The following PRKN variants were observed in gnomAD, a reference collection of about 807,000 sequenced individuals.
PRKN encodes the protein E3 ubiquitin-protein ligase parkin.
In PRKN, 56 loss-of-function variants were observed where a neutral mutation model predicts 59.5. That is an observed-to-expected ratio of 0.94 (90% CI 0.76 to 1.18). The LOEUF (loss-of-function observed/expected upper bound fraction) is 1.18, where lower values mean the gene tolerates loss of function less well. Ranked by LOEUF, PRKN falls within the 50% of genes most tolerant of loss-of-function variation. PRKN has a pLI of 0.00. For synonymous variants in PRKN, 250 were observed against 222.1 expected (o/e 1.13, Z -1.12); for missense variants, 657 against 596.4 (o/e 1.10, Z -1.06).
chr6:162,094,492 A>G (rs1583023286), intron 4 of PRKN, among the ~76,000 whole-genome samples: 1 of 152,230 alleles, frequency 6.6e-6, no homozygotes, highest in East Asian at 1.9e-4. Flanking sequence ...TTAGGAAATA[A>G]ACAAATAAAG....
chr6:162,328,113 C>A (rs1405499019), intron 2 of PRKN, among the ~76,000 whole-genome samples: 6 of 54,040 alleles, frequency 1.1e-4, no homozygotes, highest in Non-Finnish European at 2.0e-4. Context: ...GGAATCCCAG[C>A]ATTTTGAGAG....
rs533346439 is a variant in PRKN at position 161,716,039 on chromosome 6, C to T, written c.871+69733G>A. The T allele has an allele frequency of 9.0e-6, 11 of 1,217,290 alleles. No homozygotes were observed. In the South Asian group the frequency reaches 9.5e-5, roughly 11 times the overall value. The allele number at this position is 1,217,290 out of a possible 1,614,324, so 75.4% of individuals were successfully genotyped here. A position where few individuals can be genotyped will look rare whatever the true frequency, so the allele number is the denominator to read the frequency against. ...TTCTGGGGAATTGGATCTGGTTTAG[C>T]GACACAGCCACCATGCTGTGCTGGG... On this transcript the variant is annotated intron_variant, in intron 7 of 11. Coordinates refer to ENST00000366898, the MANE Select transcript of PRKN (RefSeq NM_004562.3).
At chr6:162,566,997 T>C (rs970470339) in intron 1 of PRKN, among the ~76,000 whole-genome samples, 7 of 152,170 alleles carry the variant, frequency 4.6e-5, no homozygotes, top group Admixed American at 6.5e-5. Flanking sequence ...ATCAACAGAA[T>C]GAAAGATAAA....
intron 7 of PRKN, among the ~76,000 whole-genome samples, chr6:161,779,063 C>T (rs1190143529): frequency 6.6e-6 from 1 of 152,098 alleles, no homozygotes; most frequent in Non-Finnish European, 1.5e-5. Context: ...CCTCAGCCTC[C>T]CGAGTAGCTG....
chr6:161,580,390 C>G (rs1471900521), intron 7 of PRKN, among the ~76,000 whole-genome samples: 1 of 152,094 alleles, frequency 6.6e-6, no homozygotes, highest in Non-Finnish European at 1.5e-5. Context: ...GCACCATGGC[C>G]CTGGTATAAG....
chr6:162,127,642 T>C (rs1451833388), intron 4 of PRKN, among the ~76,000 whole-genome samples: 1 of 152,208 alleles, frequency 6.6e-6, no homozygotes, highest in Non-Finnish European at 1.5e-5. Context: ...CGTTGAGTCA[T>C]AGGGAAAATC....
intron 1 of PRKN, among the ~76,000 whole-genome samples, chr6:162,531,452 G>A (rs760735719): frequency 1.2e-4 from 19 of 152,144 alleles, no homozygotes; most frequent in Admixed American, 6.5e-5. Flanking sequence ...GGAGCAGAGT[G>A]TTTAAGGATA....
At chr6:161,528,582 G>T (rs915406080) in intron 9 of PRKN, among the ~76,000 whole-genome samples, 2 of 152,048 alleles carry the variant, frequency 1.3e-5, no homozygotes, top group Non-Finnish European at 2.9e-5. Context: ...GTACAAATAG[G>T]GCCCCCTCAT....
intron 1 of PRKN, among the ~76,000 whole-genome samples, chr6:162,568,136 T>C (rs966482095): frequency 1.3e-5 from 2 of 152,240 alleles, no homozygotes; most frequent in East Asian, 3.9e-4. Flanking sequence ...AAAAATTAAA[T>C]AGAAAACCTC....
intron 5 of PRKN, among the ~76,000 whole-genome samples, chr6:161,976,654 G>A (rs1329000894): frequency 2.0e-5 from 3 of 152,154 alleles, no homozygotes; most frequent in East Asian, 3.9e-4. Context: ...ACACCAAAAC[G>A]AAAAGTCTGA....
In PRKN at chr6:161,563,079, C is replaced by T. The variant is rs113372356; in HGVS notation, c.933+6276G>A. ...TTGGGGGCACTGGATGTGTGCTTTC[C>T]TCTGCTTGGGATGCTCTTCTGCCCA... On this transcript the variant is annotated intron_variant, in intron 8 of 11. Coordinates refer to ENST00000366898, the MANE Select transcript of PRKN (RefSeq NM_004562.3). Among the ~76,000 whole-genome samples, 327 of 152,032 alleles carry T rather than the reference C, an allele frequency of 2.2e-3. 2 individuals are homozygous for T. Among genetic ancestry groups the T allele is most frequent in the African/African-American group, 7.4e-3 (306 of 41,466 alleles).
At chr6:162,580,593 C>A (rs1214601848) in intron 1 of PRKN, among the ~76,000 whole-genome samples, 2 of 151,826 alleles carry the variant, frequency 1.3e-5, no homozygotes, top group Non-Finnish European at 2.9e-5. Context: ...CTGTACGATG[C>A]CCCCCAGCAA....
chr6:162,512,204 G>C (rs1777654525), intron 1 of PRKN, among the ~76,000 whole-genome samples: 1 of 152,094 alleles, frequency 6.6e-6, no homozygotes, highest in South Asian at 2.1e-4. Context: ...CTAAAAATGG[G>C]TTGTGTCATT....
chr6:161,645,960 A>G (rs113652571), intron 7 of PRKN, among the ~76,000 whole-genome samples: 19,401 of 122,058 alleles, frequency 0.16, 1,991 homozygotes, highest in Middle Eastern at 0.23. Flanking sequence ...GAGGTGGCGT[A>G]TCAGTGACAG....
intron 1 of PRKN, among the ~76,000 whole-genome samples, chr6:162,693,716 A>G (rs560564668): frequency 6.6e-6 from 1 of 152,300 alleles, no homozygotes; most frequent in East Asian, 1.9e-4. Context: ...AATCTCAGAC[A>G]ATTTTTGTGC....
intron 7 of PRKN, among the ~76,000 whole-genome samples, chr6:161,702,942 C>T (rs1786313663): frequency 6.7e-6 from 1 of 149,476 alleles, no homozygotes; most frequent in South Asian, 2.1e-4. Flanking sequence ...AAAAGACTAA[C>T]TGTAGGCTGG....
intron 4 of PRKN, among the ~76,000 whole-genome samples, chr6:162,200,190 C>T (rs971462319): frequency 3.7e-4 from 57 of 152,276 alleles, no homozygotes; most frequent in African/African-American, 1.3e-3. Context: ...CTTGACACCC[C>T]CGTGTCTGTG....
rs13212900 is a variant in PRKN at position 162,596,138 on chromosome 6, C to T, written c.7+131524G>A. 3.9e-3 allele frequency among the ~76,000 whole-genome samples: 587 copies of T among 152,200 alleles called. 1 individual carries two copies. Among genetic ancestry groups the T allele is most frequent in the Non-Finnish European group, 5.1e-3 (347 of 67,988 alleles). On this transcript the variant is annotated intron_variant, in intron 1 of 11. Transcript: ENST00000366898. ...CAGGTCAAATAACAACATATTAAAA[C>T]CCCCTTTTAAAAATATGTGGAATTC...
intron 6 of PRKN, among the ~76,000 whole-genome samples, chr6:161,896,049 G>A (rs954934253): frequency 5.9e-5 from 9 of 152,176 alleles, no homozygotes; most frequent in Non-Finnish European, 1.2e-4. Flanking sequence ...CAGTGTTGGA[G>A]GAGAGACTAA....
Sources: allele counts gnomAD v4.1 joint callset (sites outside exome capture counted in the v4.1 genomes callset), GRCh38; gene constraint gnomAD v4.1.1; transcripts MANE v1.5; gene names NCBI Gene and HGNC (gene_info 2026-07-23, HGNC 2026-07-21).